The following TRPC3 variants were observed in gnomAD, a reference collection of about 807,000 sequenced individuals.
TRPC3 encodes the protein short transient receptor potential channel 3.
In TRPC3, 54 loss-of-function variants were observed where a neutral mutation model predicts 90.9. The observed-to-expected ratio is 0.59, with a 90% CI of 0.48 to 0.75. The LOEUF (loss-of-function observed/expected upper bound fraction) is 0.75. TRPC3 is among the 30% of genes least tolerant of loss of function. The probability of loss-of-function intolerance (pLI) is 0.00; values close to 1 mark genes in which losing one functional copy is unlikely to be tolerated. For synonymous variants in TRPC3, 424 were observed against 450.9 expected (o/e 0.94, Z 0.75); for missense variants, 918 against 1,194.5 (o/e 0.77, Z 3.41).
At chr4:121,905,473 A>G (rs527848126) in intron 7 of TRPC3, among the ~76,000 whole-genome samples, 9 of 152,280 alleles carry the variant, frequency 5.9e-5, no homozygotes, top group African/African-American at 2.2e-4. Flanking sequence ...ATTAGCACTT[A>G]GGTCCTCACC....
rs74355129 is a variant in TRPC3, at chr4:121,949,677, T to C, written c.215+1789A>G. 6.7e-3 allele frequency among the ~76,000 whole-genome samples: 1,024 copies of C among 152,332 alleles called. 6 individuals carry two copies. The highest frequency in any genetic ancestry group is 0.022 in the African/African-American group (929 of 41,558). On this transcript the variant is annotated intron_variant, in intron 1 of 11. Transcript: ENST00000379645. The stretch of plus-strand genomic sequence containing the variant: ...CTGCCCTGCCTCTAGAAGAAACGTT[T>C]TTAATGTATATCTCCTTAAAAATGA...
intron 9 of TRPC3, among the ~76,000 whole-genome samples, chr4:121,901,709 G>T (rs180757192): frequency 2.0e-5 from 3 of 152,142 alleles, no homozygotes; most frequent in African/African-American, 4.8e-5. Context: ...ACAATTCGTG[G>T]ACAATTAAGG....
In TRPC3 at chr4:121,879,673, C is replaced by G; in HGVS notation, c.*63G>C. 6.5e-7 allele frequency: 1 copy of G among 1,531,850 alleles called. No individual in the cohort carries two copies. The highest frequency in any genetic ancestry group is 2.2e-5 in the Admixed American group (1 of 45,200). The allele number at this position is 1,531,850 out of a possible 1,614,324, so 94.9% of individuals were successfully genotyped here. A position where few individuals can be genotyped will look rare whatever the true frequency, so the allele number is the denominator to read the frequency against. ...TTACATCATAGTTTTTCAAGTATTT[C>G]ATACTTAGAAATATTATTGCCCACA... On this transcript the variant is annotated 3_prime_UTR_variant, in exon 12 of 12. Transcript: ENST00000379645.
At chr4:121,924,925 T>C in intron 3 of TRPC3, 93 bp downstream of exon 3, 1 of 1,374,942 alleles carries the variant, frequency 7.3e-7, no homozygotes, top group South Asian at 1.4e-5. Context: ...TAGCGTCTAG[T>C]CTTATTATTT....
intron 1 of TRPC3, among the ~76,000 whole-genome samples, chr4:121,945,147 T>A (rs982387761): frequency 6.6e-6 from 1 of 152,210 alleles, no homozygotes; most frequent in Non-Finnish European, 1.5e-5. Flanking sequence ...ACAGTGTAAG[T>A]TACTATCTAC....
rs570449283 is a variant in TRPC3 at position 121,917,015 on chromosome 4, G to A, written c.1177-2071C>T. On this transcript the variant is annotated intron_variant, in intron 3 of 11. Coordinates refer to ENST00000379645, the MANE Select transcript of TRPC3 (RefSeq NM_001130698.2). ...CAGGCATGAGCCACCACGCCTGGCC[G>A]AGAAATAAATTTCTGTTGTTTATAA... 5.5e-4 allele frequency among the ~76,000 whole-genome samples: 84 copies of A among 152,122 alleles called. No homozygotes were observed. The South Asian group carries it at 0.01, about 19-fold the overall frequency.
chr4:121,885,263 A>T (rs1728074478), intron 10 of TRPC3, among the ~76,000 whole-genome samples: 1 of 152,206 alleles, frequency 6.6e-6, no homozygotes, highest in South Asian at 2.1e-4. Context: ...GGCCATCCCC[A>T]TTCTATTAGG....
intron 1 of TRPC3, among the ~76,000 whole-genome samples, chr4:121,945,099 T>C (rs1323162101): frequency 2.0e-5 from 3 of 152,244 alleles, no homozygotes; most frequent in Admixed American, 1.3e-4. Context: ...GGTACTAAGA[T>C]GATTTTAGGT....
rs1578667671 is a variant in TRPC3 at position 121,951,467 on chromosome 4, G to C, written c.214C>G (p.Leu72Val). Residue 72 changes from leucine to valine, a missense_variant and splice_region_variant, in exon 1 of 12, where the codon CTG becomes GTG. This residue lies in a region of TRPC3 where 609 missense variants were observed against 725.9 expected (regional missense o/e 0.84). Coordinates refer to ENST00000379645, the MANE Select transcript of TRPC3 (RefSeq NM_001130698.2). The surrounding 1 kb of genome is among the most constrained non-coding windows in gnomAD (Gnocchi z 4.4). Reference sequence around the variant, plus strand: ...GCCGCGGCCGGGCCCGGTACTCACAGGTCCGGCCCGTGGGAGAAGGGCGGC... The same window carrying C: ...GCCGCGGCCGGGCCCGGTACTCACACGTCCGGCCCGTGGGAGAAGGGCGGC... ...CPPPFSHGPD[L>V]SMEGSPSLRR... 3.1e-6 allele frequency: 4 copies of C among 1,301,200 alleles called. No individual in the cohort carries two copies. The East Asian group carries it at 1.3e-4, about 42-fold the overall frequency. 80.6% of individuals were successfully genotyped at this position (1,301,200 alleles called of 1,614,324 possible). A position where few individuals can be genotyped will look rare whatever the true frequency, so the allele number is the denominator to read the frequency against.
chr4:121,948,950 C>T (rs1730589719), intron 1 of TRPC3, among the ~76,000 whole-genome samples: 1 of 151,992 alleles, frequency 6.6e-6, no homozygotes, highest in South Asian at 2.1e-4. Context: ...TCCCACCTCT[C>T]CCTCATGAGA....
At chr4:121,926,280 C>T (rs1729708547) in intron 2 of TRPC3, among the ~76,000 whole-genome samples, 1 of 152,218 alleles carries the variant, frequency 6.6e-6, no homozygotes, top group South Asian at 2.1e-4. Flanking sequence ...GAGTGTAACC[C>T]TCCTCACTTT....
chr4:121,914,428 C>T (rs1216848692), intron 4 of TRPC3, among the ~76,000 whole-genome samples: 8 of 152,210 alleles, frequency 5.3e-5, no homozygotes, highest in Non-Finnish European at 5.9e-5. Flanking sequence ...CTCCATTCCC[C>T]GGTCTGTTCA....
At position 121,877,155 on chromosome 4, in the gene TRPC3, C is replaced by T. The variant is rs1292958952; in HGVS notation, c.*2581G>A. On this transcript the variant is annotated 3_prime_UTR_variant, in exon 12 of 12. Transcript: ENST00000379645. ...GGACTAATTCTGACAGCAATCCCCT[C>T]GACTAATCCTCATCTCAACCGTATG... is the stretch of plus-strand genomic sequence containing the variant. 5.3e-5 allele frequency among the ~76,000 whole-genome samples: 8 copies of T among 152,138 alleles called. No homozygotes were observed. The highest frequency in any genetic ancestry group is 1.7e-4 in the African/African-American group (7 of 41,426).
In TRPC3 at chr4:121,879,692, G is replaced by T. The variant is rs182614387; in HGVS notation, c.*44C>A. 9.0e-6 allele frequency: 14 copies of T among 1,562,224 alleles called. No homozygotes were observed. The East Asian group carries it at 3.4e-4, about 38-fold the overall frequency. ...GTATTTCATACTTAGAAATATTATT[G>T]CCCACATTTGTGCTATAGTCAAAGC... On this transcript the variant is annotated 3_prime_UTR_variant, in exon 12 of 12. Transcript: ENST00000379645.
At chr4:121,928,060 G>C (rs1438662009) in intron 2 of TRPC3, among the ~76,000 whole-genome samples, 1 of 152,054 alleles carries the variant, frequency 6.6e-6, no homozygotes, top group East Asian at 1.9e-4. Flanking sequence ...TACAACATAG[G>C]GTGGTTATTT....
At chr4:121,907,673 A>G (rs1728935847) in intron 6 of TRPC3, 106 bp from the exon 7 acceptor site, 1 of 1,256,254 alleles carries the variant, frequency 8.0e-7, no homozygotes, top group Non-Finnish European at 1.1e-6. Flanking sequence ...GGTGGTTACC[A>G]TCTCAGTTGA....
At chr4:121,942,122 G>A (rs1350749414) in intron 1 of TRPC3, among the ~76,000 whole-genome samples, 1 of 152,098 alleles carries the variant, frequency 6.6e-6, no homozygotes, top group Non-Finnish European at 1.5e-5. Flanking sequence ...CATTCCCACC[G>A]CCGCCCTGAC....
Position 121,907,303 on chromosome 4 carries a change from G to A in TRPC3, c.2057C>T (p.Thr686Ile), listed in dbSNP as rs2149122164. 2 of 1,601,498 alleles carry A rather than the reference G, an allele frequency of 1.2e-6. No individual in the cohort carries two copies. Among genetic ancestry groups the A allele is most frequent in the Non-Finnish European group, 1.7e-6 (2 of 1,175,484 alleles). The change falls in exon 7 of 12, where the codon ACT becomes ATT. Residue 686 changes from threonine (T) to isoleucine (I), a missense_variant and splice_region_variant. Physicochemically the swap from Thr to Ile is moderately conservative, Grantham distance 89 (BLOSUM62 -1). Transcript: ENST00000379645. ...LGAKVNAAFTTVEESFKTLFW... is the reference protein window; with the variant it reads ...LGAKVNAAFTIVEESFKTLFW... The stretch of plus-strand genomic sequence containing the variant: ...CTGTATAATAAGATATTTTACTTAC[G>A]TGGTAAAAGCAGCATTAACTTTAGC...
intron 1 of TRPC3, among the ~76,000 whole-genome samples, chr4:121,937,807 T>C (rs1328229585): frequency 1.3e-5 from 2 of 152,222 alleles, no homozygotes; most frequent in African/African-American, 4.8e-5. Flanking sequence ...TTGTTATTAC[T>C]ATCTTATTTC....
Sources: allele counts gnomAD v4.1 joint callset (sites outside exome capture counted in the v4.1 genomes callset), GRCh38; gene constraint gnomAD v4.1.1; regional missense constraint gnomAD v4.1.1; non-coding constraint Gnocchi (gnomAD v3.1); transcripts MANE v1.5; gene names NCBI Gene and HGNC (gene_info 2026-07-23, HGNC 2026-07-21).